The following RBFOX1 variants were observed in gnomAD, a reference collection of about 807,000 sequenced individuals.
RBFOX1 encodes the protein RNA binding fox-1 homolog 1.
RBFOX1 carries 8 observed loss-of-function variants against 57.7 expected under a neutral mutation model. The observed-to-expected ratio is 0.14, with a 90% CI of 0.08 to 0.25. The LOEUF (loss-of-function observed/expected upper bound fraction) is 0.25. RBFOX1 is among the 10% of genes least tolerant of loss of function. RBFOX1 has a pLI of 1.00. For missense variants in RBFOX1, 611 were observed against 548.5 expected (o/e 1.11, Z -1.14); for synonymous variants, 326 against 222.4 (o/e 1.47, Z -4.15).
intron 4 of RBFOX1, among the ~76,000 whole-genome samples, chr16:7,104,497 A>C (rs938547740): frequency 6.6e-6 from 1 of 152,160 alleles, no homozygotes; most frequent in Admixed American, 6.6e-5. Context: ...AACATAATCT[A>C]TTCAAGATCC....
intron 4 of RBFOX1, among the ~76,000 whole-genome samples, chr16:7,394,263 A>AG (rs1491213417): frequency 2.9e-4 from 40 of 139,284 alleles, no homozygotes; most frequent in Middle Eastern, 4.0e-3. Flanking sequence ...AAAAAAAAAA[A>AG]AGAGAGAAAG....
chr16:6,293,796 C>G (rs2077731675), intron 1 of RBFOX1, among the ~76,000 whole-genome samples: 1 of 109,788 alleles, frequency 9.1e-6, no homozygotes, highest in Non-Finnish European at 2.1e-5. Context: ...GAATAGGATT[C>G]CAGTCCAAGG....
chr16:6,548,122 G>A (rs1046788675), intron 2 of RBFOX1, among the ~76,000 whole-genome samples: 1 of 152,150 alleles, frequency 6.6e-6, no homozygotes, highest in African/African-American at 2.4e-5. Context: ...CTGAAGGCTG[G>A]TTTACATTTA....
At chr16:5,470,128 A>C (rs2069084438) in intron 2 of RBFOX1, among the ~76,000 whole-genome samples, 4 of 152,214 alleles carry the variant, frequency 2.6e-5, no homozygotes, top group Admixed American at 2.6e-4. Flanking sequence ...TTTCTCCCAG[A>C]GCTCCCAGAG....
At position 7,671,668 on chromosome 16, in the gene RBFOX1, C is replaced by G. The variant is rs2071485009; in HGVS notation, c.931-5106C>G. 4 of 1,381,232 alleles carry G rather than the reference C, an allele frequency of 2.9e-6. No homozygotes were observed. In the East Asian group the frequency reaches 9.2e-5, roughly 32 times the overall value. 85.6% of individuals were successfully genotyped at this position (1,381,232 alleles called of 1,614,324 possible). A position where few individuals can be genotyped will look rare whatever the true frequency, so the allele number is the denominator to read the frequency against. ...GGGTTTGCTGTGAAATCCTTACTAA[C>G]AAGATAATTCTGGGGAGGGGAACAG... On this transcript the variant is annotated intron_variant, in intron 13 of 15. Transcript: ENST00000550418.
intron 4 of RBFOX1, among the ~76,000 whole-genome samples, chr16:7,263,321 G>A (rs1164050207): frequency 6.6e-6 from 1 of 152,132 alleles, no homozygotes; most frequent in East Asian, 1.9e-4. Flanking sequence ...CCTTCAGGTA[G>A]ACATGCATGG....
At chr16:6,154,211 CTG>C (rs1364805852) in intron 1 of RBFOX1, among the ~76,000 whole-genome samples, 2 of 152,208 alleles carry the variant, frequency 1.3e-5, no homozygotes, top group African/African-American at 4.8e-5. Context: ...AAATGGGTAA[CTG>C]TCACATTACT....
chr16:6,939,720 C>T (rs987436048), intron 3 of RBFOX1, among the ~76,000 whole-genome samples: 1 of 151,878 alleles, frequency 6.6e-6, no homozygotes, highest in African/African-American at 2.4e-5. Context: ...CTATGTTGGC[C>T]GGGCTGGTCT....
intron 3 of RBFOX1, among the ~76,000 whole-genome samples, chr16:6,884,268 G>C (rs577607282): frequency 1.3e-5 from 2 of 152,262 alleles, no homozygotes; most frequent in East Asian, 1.9e-4. Flanking sequence ...TATGTGTCCA[G>C]CTTTCCAAAC....
rs72766969 is a variant in RBFOX1, at chr16:5,789,058, A to G, written c.319-78245A>G. On this transcript the variant is annotated intron_variant, in intron 3 of 19. Coordinates refer to the RBFOX1 transcript ENST00000641259. ...CTAGTGAAAAGTTTGAATGTCCTGG[A>G]GTCCTTGTGCACAAACCCTTCCCTC... 4.9e-3 allele frequency among the ~76,000 whole-genome samples: 739 copies of G among 152,228 alleles called. 5 individuals are homozygous for G. The highest frequency in any genetic ancestry group is 0.011 in the South Asian group (55 of 4,814).
intron 1 of RBFOX1, among the ~76,000 whole-genome samples, chr16:6,087,969 A>G (rs916540714): frequency 6.6e-6 from 1 of 152,166 alleles, no homozygotes; most frequent in African/African-American, 2.4e-5. Flanking sequence ...TTTCTTGTAT[A>G]AAAACTCCTG....
intron 3 of RBFOX1, among the ~76,000 whole-genome samples, chr16:6,992,181 T>G (rs2153613148): frequency 6.6e-6 from 1 of 151,836 alleles, no homozygotes; most frequent in East Asian, 1.9e-4. Flanking sequence ...TTGTTTTTTT[T>G]GAGATGGAGT....
intron 1 of RBFOX1, among the ~76,000 whole-genome samples, chr16:6,267,882 G>A (rs961797419): frequency 6.6e-5 from 10 of 152,070 alleles, no homozygotes; most frequent in African/African-American, 2.4e-4. Flanking sequence ...GCTTTAAATG[G>A]GCTATTACCT....
At chr16:7,688,476 A>G (rs535134928) in intron 14 of RBFOX1, among the ~76,000 whole-genome samples, 1 of 152,006 alleles carries the variant, frequency 6.6e-6, no homozygotes, top group Non-Finnish European at 1.5e-5. Context: ...TGCCCGCACC[A>G]AAAGTTTTCT....
At chr16:5,933,313 T>G (rs2059104870) in intron 4 of RBFOX1, among the ~76,000 whole-genome samples, 1 of 152,320 alleles carries the variant, frequency 6.6e-6, no homozygotes, top group Admixed American at 6.5e-5. Flanking sequence ...GTCAATTGAT[T>G]ACTAAATGCA....
At chr16:7,605,418 C>T (rs764243469) in intron 9 of RBFOX1, among the ~76,000 whole-genome samples, 1 of 152,170 alleles carries the variant, frequency 6.6e-6, no homozygotes, top group Non-Finnish European at 1.5e-5. Context: ...TTAAATATGC[C>T]TCCCAGGTAA....
intron 2 of RBFOX1, among the ~76,000 whole-genome samples, chr16:5,475,625 A>G (rs1482553815): frequency 6.6e-6 from 1 of 152,234 alleles, no homozygotes; most frequent in Non-Finnish European, 1.5e-5. Flanking sequence ...GCTGTGCTTA[A>G]GCACCACATA....
chr16:7,464,224 G>A (rs941701819), intron 4 of RBFOX1, among the ~76,000 whole-genome samples: 1 of 152,156 alleles, frequency 6.6e-6, no homozygotes, highest in African/African-American at 2.4e-5. Context: ...GTGTGCACCT[G>A]TGCACCTATG....
At chr16:7,392,778 T>C (rs904358444) in intron 4 of RBFOX1, among the ~76,000 whole-genome samples, 1 of 152,204 alleles carries the variant, frequency 6.6e-6, no homozygotes, top group African/African-American at 2.4e-5. Flanking sequence ...GCATAATTAC[T>C]GTAGGGATGT....
Sources: allele counts gnomAD v4.1 joint callset (sites outside exome capture counted in the v4.1 genomes callset), GRCh38; gene constraint gnomAD v4.1.1; transcripts MANE v1.5; gene names NCBI Gene and HGNC (gene_info 2026-07-23, HGNC 2026-07-21).